The following LRMDA variants were observed in gnomAD, a reference collection of about 807,000 sequenced individuals.
LRMDA encodes leucine-rich melanocyte differentiation-associated protein.
Under a neutral mutation model 29.8 loss-of-function variants are expected in LRMDA, and 18 were observed. The ratio of observed to expected loss-of-function variants is 0.60; its 90% CI spans 0.42 to 0.90. The LOEUF is 0.90. LRMDA is among the 40% of genes least tolerant of loss of function. The probability of loss-of-function intolerance (pLI) is 0.00; values close to 1 mark genes in which losing one functional copy is unlikely to be tolerated. For missense variants in LRMDA, 273 were observed against 273.9 expected, an observed-to-expected ratio of 1.00 and a Z score of 0.02; for synonymous variants, 125 against 109.4, an observed-to-expected ratio of 1.14 and a Z score of -0.89.
intron 6 of LRMDA, among the ~76,000 whole-genome samples, chr10:76,472,858 T>C (rs1308106058): frequency 6.6e-6 from 1 of 151,622 alleles, no homozygotes; most frequent in East Asian, 1.9e-4. Flanking sequence ...GTTAATTGAT[T>C]GAGTTTGTAA....
intron 6 of LRMDA, among the ~76,000 whole-genome samples, chr10:76,523,292 C>G (rs894468027): frequency 6.6e-6 from 1 of 152,050 alleles, no homozygotes; most frequent in Non-Finnish European, 1.5e-5. Context: ...GCTTGTGTGT[C>G]GAAGGGCTTT....
Position 75,565,804 on chromosome 10 carries a change from A to G in LRMDA, c.131+127310A>G, listed in dbSNP as rs185791010. 3.3e-5 allele frequency among the ~76,000 whole-genome samples: 5 copies of G among 152,348 alleles called. No individual in the cohort carries two copies. The East Asian group carries it at 9.6e-4, about 29-fold the overall frequency. On this transcript the variant is annotated intron_variant, in intron 2 of 6. Transcript: ENST00000611255. ...TAAAGGACAGAGGAGGCTGGGCACA[A>G]TGGCTCATGCCTGTAATGCCAGCAC... is the stretch of plus-strand genomic sequence containing the variant.
At chr10:75,674,995 A>T (rs1004048140) in intron 2 of LRMDA, among the ~76,000 whole-genome samples, 6 of 152,186 alleles carry the variant, frequency 3.9e-5, no homozygotes, top group Admixed American at 3.9e-4. Flanking sequence ...CAGCCTTTTC[A>T]TTTCCACGTA....
intron 2 of LRMDA, among the ~76,000 whole-genome samples, chr10:75,529,705 G>A (rs979109930): frequency 7.2e-5 from 11 of 152,172 alleles, no homozygotes; most frequent in African/African-American, 2.4e-4. Context: ...TGAATTATCA[G>A]TAGAGAATTC....
intron 6 of LRMDA, among the ~76,000 whole-genome samples, chr10:76,520,263 GT>G (rs560682527): frequency 0.039 from 5,668 of 145,404 alleles, 234 homozygotes; most frequent in African/African-American, 0.1. Flanking sequence ...TAATCTTTCA[GT>G]TTTTTTTTTT....
At chr10:76,149,358 C>T (rs1241729989) in intron 5 of LRMDA, among the ~76,000 whole-genome samples, 1 of 152,172 alleles carries the variant, frequency 6.6e-6, no homozygotes, top group Non-Finnish European at 1.5e-5. Context: ...GAGTCAGTGC[C>T]TGGTCCTAGC....
intron 2 of LRMDA, among the ~76,000 whole-genome samples, chr10:75,676,773 A>C (rs186398710): frequency 2.0e-5 from 3 of 152,216 alleles, no homozygotes; most frequent in African/African-American, 7.2e-5. Flanking sequence ...ATAGTTTTAC[A>C]GTTCAATAAT....
At chr10:75,896,256 G>A (rs541121172) in intron 2 of LRMDA, among the ~76,000 whole-genome samples, 1 of 152,288 alleles carries the variant, frequency 6.6e-6, no homozygotes, top group African/African-American at 2.4e-5. Flanking sequence ...GGCTCCACCT[G>A]CTAGCTATAT....
intron 2 of LRMDA, among the ~76,000 whole-genome samples, chr10:75,854,150 T>C (rs1488515890): frequency 6.6e-6 from 1 of 152,172 alleles, no homozygotes; most frequent in Middle Eastern, 3.2e-3. Flanking sequence ...GAGGAGCTCA[T>C]GCGAATGAGT....
At chr10:76,335,660 T>C (rs180783956) in intron 6 of LRMDA, among the ~76,000 whole-genome samples, 1 of 152,250 alleles carries the variant, frequency 6.6e-6, no homozygotes, top group Admixed American at 6.5e-5. Flanking sequence ...CAGATAACTT[T>C]AAGTGGGGGG....
In LRMDA at chr10:76,132,262, C is replaced by T. The variant is rs1298074097; in HGVS notation, c.516+73479C>T. ...TTTTGGAGCCCAAGAAGCAGGAAGG[C>T]AGGGTGAGAGCAGACCTGTGCTTGA... On this transcript the variant is annotated intron_variant, in intron 5 of 6. Transcript: ENST00000611255. Among the ~76,000 whole-genome samples, 6 of 152,220 alleles carry T rather than the reference C, an allele frequency of 3.9e-5. No individual in the cohort carries two copies. The East Asian group carries it at 9.7e-4, about 24-fold the overall frequency.
chr10:76,367,337 C>T (rs1393019129), intron 6 of LRMDA, among the ~76,000 whole-genome samples: 1 of 152,140 alleles, frequency 6.6e-6, no homozygotes, highest in East Asian at 1.9e-4. Context: ...GGTACTAACT[C>T]TTATTTGAAT....
chr10:76,295,919 C>T (rs972263687), intron 5 of LRMDA, among the ~76,000 whole-genome samples: 5 of 152,200 alleles, frequency 3.3e-5, no homozygotes, highest in Admixed American at 3.3e-4. Flanking sequence ...GGGACTGATA[C>T]ATCTTTGGAA....
chr10:75,746,012 C>T (rs1415223901), intron 2 of LRMDA, among the ~76,000 whole-genome samples: 1 of 152,198 alleles, frequency 6.6e-6, no homozygotes, highest in African/African-American at 2.4e-5. Context: ...AAATGTTAAC[C>T]TCAACTACTT....
intron 2 of LRMDA, among the ~76,000 whole-genome samples, chr10:75,811,410 A>G (rs1025974591): frequency 1.1e-4 from 16 of 151,982 alleles, no homozygotes; most frequent in African/African-American, 3.9e-4. Flanking sequence ...ATTTTATAGG[A>G]TTTTGACATT....
At chr10:75,791,609 T>C (rs542759714) in intron 2 of LRMDA, among the ~76,000 whole-genome samples, 8 of 152,298 alleles carry the variant, frequency 5.3e-5, no homozygotes, top group African/African-American at 1.9e-4. Context: ...TCCCAGATAT[T>C]CAGGATTTTC....
intron 2 of LRMDA, among the ~76,000 whole-genome samples, chr10:75,842,190 C>A (rs529581420): frequency 8.5e-5 from 13 of 152,278 alleles, no homozygotes; most frequent in Non-Finnish European, 1.3e-4. Flanking sequence ...GGAGAAAAAT[C>A]AGAAGAATAC....
chr10:75,607,193 C>G (rs1840966826), intron 2 of LRMDA, among the ~76,000 whole-genome samples: 1 of 152,198 alleles, frequency 6.6e-6, no homozygotes, highest in Non-Finnish European at 1.5e-5. Context: ...CCAAAGTGAT[C>G]AAGACATTTC....
At chr10:76,077,251 G>A (rs2132075449) in intron 5 of LRMDA, among the ~76,000 whole-genome samples, 1 of 152,190 alleles carries the variant, frequency 6.6e-6, no homozygotes, top group East Asian at 1.9e-4. Flanking sequence ...CTCCTACTTA[G>A]AGGTGATGGC....
Sources: gnomAD v4.1 joint callset for allele counts (sites outside exome capture counted in the v4.1 genomes callset) on GRCh38, gnomAD v4.1.1 for gene constraint, MANE v1.5 for transcripts, NCBI Gene and HGNC (gene_info 2026-07-23, HGNC 2026-07-21) for gene names.